Variants in NUP107 observed in about 807,000 individuals in gnomAD.
NUP107 encodes the protein nuclear pore complex protein Nup107.
NUP107 carries 101 observed loss-of-function variants against 141.0 expected under a neutral mutation model. The ratio of observed to expected loss-of-function variants is 0.72; its 90% CI spans 0.61 to 0.84. The LOEUF (loss-of-function observed/expected upper bound fraction) is 0.84, where lower values mean the gene tolerates loss of function less well. Among genes scored for constraint, NUP107 ranks in the 40% least tolerant of loss-of-function variants. NUP107 has a pLI of 0.00. For synonymous variants in NUP107, 319 were observed against 363.9 expected (o/e 0.88, Z 1.41); for missense variants, 941 against 1,102.7 (o/e 0.85, Z 2.08).
intron 10 of NUP107, among the ~76,000 whole-genome samples, chr12:68,710,296 T>C (rs1302687993): frequency 1.1e-4 from 16 of 152,226 alleles, no homozygotes; most frequent in African/African-American, 3.6e-4. Context: ...TTTGCAAATA[T>C]ACAGTTGGCC....
In NUP107 at chr12:68,719,293, A is replaced by G. The variant is rs1416665064; in HGVS notation, c.1084-48A>G. On this transcript the variant is annotated intron_variant, in intron 12 of 27. Coordinates refer to ENST00000229179, the MANE Select transcript of NUP107 (RefSeq NM_020401.4). Reference sequence around the variant, plus strand: ...TGTCATATATTGGTTATACTTTACTATAAAGCACCCTGGTTATTGGACTGA... The same window carrying G: ...TGTCATATATTGGTTATACTTTACTGTAAAGCACCCTGGTTATTGGACTGA... 5.7e-6 allele frequency: 8 copies of G among 1,412,544 alleles called. No homozygotes were observed. The East Asian group carries it at 1.1e-4, about 20-fold the overall frequency. 87.5% of individuals were successfully genotyped at this position (1,412,544 alleles called of 1,614,324 possible).
At chr12:68,738,599 A>G (rs1305983332) in intron 26 of NUP107, among the ~76,000 whole-genome samples, 1 of 152,236 alleles carries the variant, frequency 6.6e-6, no homozygotes, top group African/African-American at 2.4e-5. Context: ...ACGGCTGTAC[A>G]CAATAGCCCT....
intron 26 of NUP107, among the ~76,000 whole-genome samples, chr12:68,741,335 A>G (rs958944559): frequency 7.9e-5 from 12 of 152,168 alleles, no homozygotes; most frequent in Admixed American, 3.9e-4. Flanking sequence ...TAAAAATTAT[A>G]TAAAGAAATT....
chr12:68,714,784 G>A (rs1264052614), intron 11 of NUP107, among the ~76,000 whole-genome samples: 1 of 152,158 alleles, frequency 6.6e-6, no homozygotes, highest in Non-Finnish European at 1.5e-5. Flanking sequence ...TGGGAGATTT[G>A]TACTTATTTA....
chr12:68,692,553 T>G (rs1875855840), intron 5 of NUP107, among the ~76,000 whole-genome samples: 1 of 148,786 alleles, frequency 6.7e-6, no homozygotes, highest in Non-Finnish European at 1.5e-5. Context: ...CACTCCAGCC[T>G]GGGCTACAGA....
chr12:68,693,773 G>A (rs986527985), intron 5 of NUP107, among the ~76,000 whole-genome samples: 4 of 152,282 alleles, frequency 2.6e-5, no homozygotes, highest in Non-Finnish European at 4.4e-5. Context: ...AATGTAAATA[G>A]CAGCCTGTTA....
At chr12:68,721,444 T>C (rs996510549) in intron 15 of NUP107, among the ~76,000 whole-genome samples, 1 of 152,202 alleles carries the variant, frequency 6.6e-6, no homozygotes, top group African/African-American at 2.4e-5. Context: ...CCAACACACA[T>C]TTATTGATGA....
rs28514526 is a variant in NUP107 at position 68,725,838 on chromosome 12, T to G, written c.1576+42T>G. The G allele has an allele frequency of 0.015, 6,069 of 400,178 alleles. 144 individuals carry two copies. Among genetic ancestry groups the G allele is most frequent in the Admixed American group, 0.034 (404 of 12,050 alleles). 24.8% of individuals were successfully genotyped at this position (400,178 alleles called of 1,614,324 possible). A position where few individuals can be genotyped will look rare whatever the true frequency, so the allele number is the denominator to read the frequency against. On this transcript the variant is annotated intron_variant, in intron 18 of 27. Coordinates refer to ENST00000229179, the MANE Select transcript of NUP107 (RefSeq NM_020401.4). ...TTTTACTTTGTGTTTTTTGTGTGTG[T>G]TTTTTTTTTTTTTTTTGAGACAAAG...
chr12:68,692,347 G>A (rs1490541177), intron 5 of NUP107, among the ~76,000 whole-genome samples: 5 of 151,884 alleles, frequency 3.3e-5, no homozygotes, highest in South Asian at 2.1e-4. Context: ...TTGAGAGGCC[G>A]AGGCGGGCAG....
At chr12:68,692,633 A>G (rs1049582675) in intron 5 of NUP107, among the ~76,000 whole-genome samples, 22 of 151,680 alleles carry the variant, frequency 1.5e-4, no homozygotes, top group African/African-American at 5.3e-4. Context: ...TAAATGCAGA[A>G]ATGCAGTGGC....
chr12:68,704,249 GA>G (rs1876470681), intron 8 of NUP107, among the ~76,000 whole-genome samples: 1 of 152,162 alleles, frequency 6.6e-6, no homozygotes, highest in Non-Finnish European at 1.5e-5. Flanking sequence ...GCCTTGGCTG[GA>G]TTGAGGGTTT....
intron 26 of NUP107, among the ~76,000 whole-genome samples, chr12:68,736,260 A>G (rs561245191): frequency 2.0e-5 from 3 of 151,878 alleles, no homozygotes; most frequent in Admixed American, 1.3e-4. Flanking sequence ...TCTATTTAGT[A>G]CTTTTTCTTT....
chr12:68,735,708 T>A (rs1297300072), intron 26 of NUP107, among the ~76,000 whole-genome samples: 4 of 152,240 alleles, frequency 2.6e-5, no homozygotes, highest in African/African-American at 7.2e-5. Context: ...CTGTCCATTT[T>A]AATGACCTGG....
chr12:68,734,013 A>G (rs1273278714), intron 24 of NUP107, among the ~76,000 whole-genome samples: 3 of 152,202 alleles, frequency 2.0e-5, no homozygotes, highest in African/African-American at 7.2e-5. Flanking sequence ...ACTCACGCCT[A>G]TAATCCCAAC....
intron 18 of NUP107, 129 bp from the exon 19 acceptor site, chr12:68,726,370 A>T (rs943029191): frequency 1.1e-5 from 7 of 635,886 alleles, no homozygotes; most frequent in Non-Finnish European, 1.9e-5. Flanking sequence ...GTAGAGTTAT[A>T]TCATGGCTAT....
intron 8 of NUP107, among the ~76,000 whole-genome samples, chr12:68,708,300 GAAGAT>G (rs1404276228): frequency 6.6e-6 from 1 of 151,996 alleles, no homozygotes; most frequent in Admixed American, 6.6e-5. Flanking sequence ...TAAAATTTAT[GAAGAT>G]ATTTTTATGA....
In NUP107 at chr12:68,733,710, C is replaced by T. The variant is rs545962689; in HGVS notation, c.2262+98C>T. ...CTTTTTTCTAGAAGTAGTGTTGGTT[C>T]ATCTTACCTCTCTTGTGACTATAGT... On this transcript the variant is annotated intron_variant, in intron 24 of 27. Coordinates refer to ENST00000229179, the MANE Select transcript of NUP107 (RefSeq NM_020401.4). The T allele has an allele frequency of 1.7e-5, 20 of 1,194,502 alleles. No individual in the cohort carries two copies. The South Asian group carries it at 2.8e-4, about 17-fold the overall frequency. 74.0% of individuals were successfully genotyped at this position (1,194,502 alleles called of 1,614,324 possible).
intron 20 of NUP107, among the ~76,000 whole-genome samples, chr12:68,728,422 T>C (rs1278262202): frequency 7.9e-5 from 2 of 25,232 alleles, no homozygotes; most frequent in African/African-American, 2.5e-4. Flanking sequence ...AAAACCTGTC[T>C]TTTTTTTTTT....
intron 26 of NUP107, among the ~76,000 whole-genome samples, chr12:68,739,061 C>T (rs1275962536): frequency 1.3e-5 from 2 of 152,052 alleles, no homozygotes; most frequent in Admixed American, 1.3e-4. Flanking sequence ...TTCCCCTCTG[C>T]CTAGAATGCT....
Sources: allele counts gnomAD v4.1 joint callset (sites outside exome capture counted in the v4.1 genomes callset), GRCh38; gene constraint gnomAD v4.1.1; transcripts MANE v1.5; gene names NCBI Gene and HGNC (gene_info 2026-07-23, HGNC 2026-07-21).